ETNK1: variants seen among roughly 807,000 people sequenced by gnomAD.
ETNK1 encodes putative protein product of Nbla10396.
ETNK1 carries 8 observed loss-of-function variants against 45.1 expected under a neutral mutation model. The observed-to-expected ratio is 0.18, with a 90% CI of 0.10 to 0.32. The LOEUF is 0.32. Ranked by LOEUF, ETNK1 falls within the 10% of genes least tolerant of loss-of-function variation. The pLI is 1.00. For missense variants in ETNK1, 302 were observed against 430.6 expected (o/e 0.70, Z 2.64); for synonymous variants, 152 against 151.9 (o/e 1.00, Z -0.01).
chr12:22,671,914 T>G (rs1954112839), intron 5 of ETNK1, among the ~76,000 whole-genome samples: 1 of 147,892 alleles, frequency 6.8e-6, no homozygotes, highest in Non-Finnish European at 1.5e-5. Flanking sequence ...AGATCAGACA[T>G]AGCATAAGGT....
At chr12:22,636,249 T>A (rs1953653896) in intron 1 of ETNK1, among the ~76,000 whole-genome samples, 1 of 152,144 alleles carries the variant, frequency 6.6e-6, no homozygotes, top group Non-Finnish European at 1.5e-5. Context: ...TTTTGTTGTT[T>A]AGAGCTCTTA....
chr12:22,632,764 A>G (rs1447904261), intron 1 of ETNK1, among the ~76,000 whole-genome samples: 2 of 152,102 alleles, frequency 1.3e-5, no homozygotes, highest in Non-Finnish European at 2.9e-5. Flanking sequence ...AGCCTCCCAA[A>G]GTGCTGGGAT....
chr12:22,680,677 G>C (rs1231259627), intron 6 of ETNK1, among the ~76,000 whole-genome samples: 1 of 152,156 alleles, frequency 6.6e-6, no homozygotes, highest in Admixed American at 6.5e-5. Context: ...AAAAAGAAAA[G>C]CAGGTCTGAA....
intron 2 of ETNK1, among the ~76,000 whole-genome samples, chr12:22,653,604 T>C (rs1369654899): frequency 6.6e-6 from 1 of 152,224 alleles, no homozygotes; most frequent in Non-Finnish European, 1.5e-5. Context: ...TTTATTTCTT[T>C]TCGATGCTAT....
intron 1 of ETNK1, among the ~76,000 whole-genome samples, chr12:22,629,711 A>T (rs893816335): frequency 4.6e-5 from 7 of 152,142 alleles, no homozygotes; most frequent in African/African-American, 1.4e-4. Context: ...TAGGTAAGCT[A>T]ATGTAGTAAG....
At position 22,625,182 on chromosome 12, in the gene ETNK1, C is replaced by G. The variant is rs781616992; in HGVS notation, c.-249C>G. 1.9e-6 allele frequency: 3 copies of G among 1,600,558 alleles called. No homozygotes were observed. In the East Asian group the frequency reaches 6.7e-5, roughly 36 times the overall value. Reference sequence around the variant, plus strand: ...CCCCGGCATGCTCTGCGGCCGCCCGCGGTCCAGCTCCGACAACAGGAATTT... The same window carrying G: ...CCCCGGCATGCTCTGCGGCCGCCCGGGGTCCAGCTCCGACAACAGGAATTT... On this transcript the variant is annotated 5_prime_UTR_variant, in exon 1 of 8. Transcript: ENST00000266517.
At chr12:22,634,488 A>T (rs1289355261) in intron 1 of ETNK1, among the ~76,000 whole-genome samples, 7 of 152,192 alleles carry the variant, frequency 4.6e-5, no homozygotes, top group African/African-American at 1.4e-4. Flanking sequence ...TTTTAATAAT[A>T]CATGTTTAAG....
At chr12:22,634,658 G>A (rs1339398573) in intron 1 of ETNK1, among the ~76,000 whole-genome samples, 2 of 152,072 alleles carry the variant, frequency 1.3e-5, no homozygotes, top group African/African-American at 2.4e-5. Flanking sequence ...GCAGTGGTGC[G>A]ATCATGGCCC....
intron 2 of ETNK1, among the ~76,000 whole-genome samples, chr12:22,650,445 A>G (rs1259895569): frequency 6.6e-6 from 1 of 151,932 alleles, no homozygotes; most frequent in East Asian, 1.9e-4. Context: ...CAGATTGAAG[A>G]TACTCTCTCT....
At chr12:22,680,798 A>G (rs1046365678) in intron 6 of ETNK1, among the ~76,000 whole-genome samples, 1 of 148,870 alleles carries the variant, frequency 6.7e-6, no homozygotes, top group Non-Finnish European at 1.5e-5. Context: ...CTTGTCATTG[A>G]TTGTTTAATG....
chr12:22,675,824 G>C (rs1954155153), intron 6 of ETNK1, among the ~76,000 whole-genome samples: 1 of 152,032 alleles, frequency 6.6e-6, no homozygotes, highest in Non-Finnish European at 1.5e-5. Flanking sequence ...AAGGACAATT[G>C]ATAGACATAA....
chr12:22,689,529 A>G lies in ETNK1; in HGVS notation c.*4575A>G, dbSNP rs1437670241. 6.6e-6 allele frequency: 1 copy of G among 152,050 alleles called. No homozygotes were observed. Among genetic ancestry groups the G allele is most frequent in the Non-Finnish European group, 1.5e-5 (1 of 67,890 alleles). 9.4% of individuals were successfully genotyped at this position (152,050 alleles called of 1,614,324 possible). ...ATGCCATTAATCATTTTAGTACAAC[A>G]CCTATGTTTATAAAAATTTGAAAAC... On this transcript the variant is annotated 3_prime_UTR_variant, in exon 8 of 8. Transcript: ENST00000266517.
Position 22,689,264 on chromosome 12 carries a change from A to G in ETNK1, c.*4310A>G, listed in dbSNP as rs908670225. 7.5e-6 allele frequency: 1 copy of G among 132,966 alleles called. No individual in the cohort carries two copies. Among genetic ancestry groups the G allele is most frequent in the Non-Finnish European group, 1.8e-5 (1 of 56,844 alleles). 8.2% of individuals were successfully genotyped at this position (132,966 alleles called of 1,614,324 possible). The stretch of plus-strand genomic sequence containing the variant: ...TAAGAACTGTAAACTGTTTTAAACT[A>G]TTTTGTGTTTGACGCATCAAACTTC... On this transcript the variant is annotated 3_prime_UTR_variant, in exon 8 of 8. Transcript: ENST00000266517.
In ETNK1 at chr12:22,661,115, A is replaced by G; in HGVS notation, c.610A>G (p.Met204Val). Reference protein sequence around the residue: ...SQILQEEMTWMKEILSNLGSP... With the variant: ...SQILQEEMTWVKEILSNLGSP... Reference sequence around the variant, plus strand: ...GATTCTCCAGGAAGAGATGACTTGGATGAAGGAGATTCTTTCCAACCTGGG... The same window carrying G: ...GATTCTCCAGGAAGAGATGACTTGGGTGAAGGAGATTCTTTCCAACCTGGG... The change falls in exon 4 of 8, where the codon ATG becomes GTG. Residue 204 changes from methionine to valine, a missense_variant. Met to Val is a conservative substitution (Grantham distance 21, BLOSUM62 1). This residue lies in a region of ETNK1 where 205 missense variants were observed against 259.9 expected (regional missense o/e 0.79). Coordinates refer to ENST00000266517, the MANE Select transcript of ETNK1 (RefSeq NM_018638.5). 6.2e-7 allele frequency: 1 copy of G among 1,612,790 alleles called. No individual in the cohort carries two copies. The highest frequency in any genetic ancestry group is 1.7e-4 in the Middle Eastern group (1 of 6,056).
At position 22,676,662 on chromosome 12, in the gene ETNK1, C is replaced by T. The variant is rs537904385; in HGVS notation, c.945+3002C>T. ...CGTTTCTGTTTCTCCACATCCTCTC[C>T]GGCATCTATTGTTTCCTGACTTTTT... is the stretch of plus-strand genomic sequence containing the variant. On this transcript the variant is annotated intron_variant, in intron 6 of 7. Coordinates refer to ENST00000266517, the MANE Select transcript of ETNK1 (RefSeq NM_018638.5). Among the ~76,000 whole-genome samples, 6 of 152,080 alleles carry T rather than the reference C, an allele frequency of 3.9e-5. No homozygotes were observed. In the East Asian group the frequency reaches 7.8e-4, roughly 20 times the overall value.
At chr12:22,638,967 A>C (rs1027733615) in intron 1 of ETNK1, 1 of 152,194 alleles carries the variant, frequency 6.6e-6, no homozygotes, top group Non-Finnish European at 1.5e-5. Context: ...GAGCAAAATT[A>C]GCAGTAATGT....
chr12:22,690,055 A>C lies in ETNK1; in HGVS notation c.*5101A>C, dbSNP rs1425502421. ...TTCCTTATTCAGTTTCAGAAGAAAA[A>C]GAATGAAATTGGGTAACTGTCATTG... On this transcript the variant is annotated 3_prime_UTR_variant, in exon 8 of 8. Transcript: ENST00000266517. The C allele has an allele frequency of 1.3e-5, 2 of 152,478 alleles. No individual in the cohort carries two copies. Among genetic ancestry groups the C allele is most frequent in the Non-Finnish European group, 2.9e-5 (2 of 67,932 alleles). The allele number at this position is 152,478 out of a possible 1,614,324, so 9.4% of individuals were successfully genotyped here.
Position 22,625,500 on chromosome 12 carries a change from C to G in ETNK1, c.70C>G (p.Gln24Glu), listed in dbSNP as rs755346854. The G allele has an allele frequency of 1.3e-5, 21 of 1,606,178 alleles. No individual in the cohort carries two copies. Among genetic ancestry groups the G allele is most frequent in the Non-Finnish European group, 1.7e-5 (20 of 1,177,012 alleles). The change falls in exon 1 of 8, where the codon CAG (glutamine) becomes GAG (glutamate). Residue 24 changes from glutamine (Q) to glutamate (E), a missense_variant. This residue lies in a region of ETNK1 where 205 missense variants were observed against 259.9 expected (regional missense o/e 0.79). Coordinates refer to ENST00000266517, the MANE Select transcript of ETNK1 (RefSeq NM_018638.5). The part of the protein sequence containing the change: ...VPKLNVTVQD[Q>E]EEHRCREGAL... ...CAAGCTGAACGTCACCGTTCAGGAT[C>G]AGGAGGAGCATCGCTGCCGGGAGGG...
rs967674121 is a variant in ETNK1 at position 22,688,618 on chromosome 12, T to C, written c.*3664T>C. ...GATACAGACTTAAGCTTTTAATCAA[T>C]CAGTCATTCAGTTGATAGACAAAGT... On this transcript the variant is annotated 3_prime_UTR_variant, in exon 8 of 8. Coordinates refer to ENST00000266517, the MANE Select transcript of ETNK1 (RefSeq NM_018638.5). The C allele has an allele frequency of 5.3e-5, 8 of 152,372 alleles. No individual in the cohort carries two copies. Among genetic ancestry groups the C allele is most frequent in the African/African-American group, 1.7e-4 (7 of 41,428 alleles). The allele number at this position is 152,372 out of a possible 1,614,324, so 9.4% of individuals were successfully genotyped here.
Sources: gnomAD v4.1 joint callset for allele counts (sites outside exome capture counted in the v4.1 genomes callset) on GRCh38, gnomAD v4.1.1 for gene constraint, gnomAD v4.1.1 regional missense constraint, MANE v1.5 for transcripts, NCBI Gene and HGNC (gene_info 2026-07-23, HGNC 2026-07-21) for gene names.